FNBP1L: variants seen among roughly 807,000 people sequenced by gnomAD.
FNBP1L encodes the protein formin binding protein 1 like.
A neutral mutation model predicts 91.2 loss-of-function variants in FNBP1L; 36 were observed. The observed-to-expected ratio is 0.39, with a 90% CI of 0.30 to 0.52. FNBP1L has a LOEUF of 0.52. Among genes scored for constraint, FNBP1L ranks in the 20% least tolerant of loss-of-function variants. The pLI, the probability that FNBP1L is intolerant of heterozygous loss-of-function variation, is 0.66. For missense variants in FNBP1L, 571 were observed against 732.1 expected (o/e 0.78, Z 2.54); for synonymous variants, 242 against 237.0 (o/e 1.02, Z -0.19).
intron 5 of FNBP1L, among the ~76,000 whole-genome samples, chr1:93,524,997 A>G (rs1671450265): frequency 6.6e-6 from 1 of 152,036 alleles, no homozygotes; most frequent in African/African-American, 2.4e-5. Context: ...TTGTAAAACA[A>G]GATGTTCACG....
rs536514860 is a variant in FNBP1L, at chr1:93,475,825, AG to A, written c.25-23641del. On this transcript the variant is annotated intron_variant, in intron 1 of 16. Coordinates refer to ENST00000271234, the MANE Select transcript of FNBP1L (RefSeq NM_001164473.3). ...TATTTGAATTATTCTGTTTACTAAA[AG>A]GAAACATAAAGTAAGGTTGCCTGTT... Among the ~76,000 whole-genome samples the A allele has an allele frequency of 5.3e-5, 8 of 152,362 alleles. No individual in the cohort carries two copies. The South Asian group carries it at 1.7e-3, about 32-fold the overall frequency.
intron 10 of FNBP1L, among the ~76,000 whole-genome samples, chr1:93,538,059 G>A (rs1295087050): frequency 6.6e-6 from 1 of 151,882 alleles, no homozygotes; most frequent in Non-Finnish European, 1.5e-5. Flanking sequence ...TAGTAGTCAC[G>A]TTTTTGTAAT....
intron 1 of FNBP1L, among the ~76,000 whole-genome samples, chr1:93,485,756 G>A (rs1484061634): frequency 6.6e-6 from 1 of 152,094 alleles, no homozygotes; most frequent in Non-Finnish European, 1.5e-5. Context: ...GAGTGCAGTG[G>A]TGTGGTCTCA....
chr1:93,536,331 G>C lies in FNBP1L; in HGVS notation c.991-1G>C. 6.9e-7 allele frequency: 1 copy of C among 1,459,494 alleles called. No individual in the cohort carries two copies. The highest frequency in any genetic ancestry group is 9.1e-7 in the Non-Finnish European group (1 of 1,104,346). 90.4% of individuals were successfully genotyped at this position (1,459,494 alleles called of 1,614,324 possible). On this transcript the variant is annotated splice_acceptor_variant, in intron 9 of 16. Transcript: ENST00000271234. LOFTEE classifies it high-confidence loss of function. ...GATTCCTTTCTTTATTTCCATATTA[G>C]CCACAGTCCCCACCCTTAACCCCTA...
At chr1:93,507,525 G>T (rs1440797435) in intron 2 of FNBP1L, among the ~76,000 whole-genome samples, 1 of 152,152 alleles carries the variant, frequency 6.6e-6, no homozygotes, top group African/African-American at 2.4e-5. Flanking sequence ...GGATTTGCGG[G>T]ACTTACTTAA....
chr1:93,546,731 T>A, intron 12 of FNBP1L, 111 bp from the exon 13 acceptor site: 2 of 1,132,200 alleles, frequency 1.8e-6, no homozygotes. Context: ...TAAAAAGATG[T>A]GACTCTACTT....
At chr1:93,474,307 T>G (rs1201772757) in intron 1 of FNBP1L, among the ~76,000 whole-genome samples, 1 of 152,130 alleles carries the variant, frequency 6.6e-6, no homozygotes, top group African/African-American at 2.4e-5. Context: ...TCCAATCGAC[T>G]GAACCAAAGG....
chr1:93,547,461 T>A lies in FNBP1L; in HGVS notation c.1502+20T>A. The A allele has an allele frequency of 6.5e-7, 1 of 1,535,248 alleles. No individual in the cohort carries two copies. Among genetic ancestry groups the A allele is most frequent in the Non-Finnish European group, 8.8e-7 (1 of 1,133,302 alleles). ...AGAAAGGTGATTTTTTGTATTTTAT[T>A]TGTATTTCTTCTCCCCAGAGTTTTC... On this transcript the variant is annotated intron_variant, in intron 14 of 16. Coordinates refer to ENST00000271234, the MANE Select transcript of FNBP1L (RefSeq NM_001164473.3).
At chr1:93,522,345 G>A (rs2818968) in intron 3 of FNBP1L, among the ~76,000 whole-genome samples, 146,782 of 152,180 alleles carry the variant, frequency 0.96, 70,988 homozygotes, top group Non-Finnish European at 1. Context: ...AGAATAGTCA[G>A]ATACAGATTT....
intron 11 of FNBP1L, among the ~76,000 whole-genome samples, chr1:93,542,189 T>A (rs1672069477): frequency 6.6e-6 from 1 of 152,056 alleles, no homozygotes; most frequent in Non-Finnish European, 1.5e-5. Context: ...GGCGGGAGGA[T>A]TGGTTGAGCC....
intron 1 of FNBP1L, among the ~76,000 whole-genome samples, chr1:93,487,535 A>G (rs1009876070): frequency 3.3e-5 from 5 of 152,166 alleles, no homozygotes; most frequent in African/African-American, 1.2e-4. Flanking sequence ...TCACTAACCA[A>G]CCACATGACA....
At chr1:93,454,172 A>G (rs1668582137) in intron 1 of FNBP1L, among the ~76,000 whole-genome samples, 1 of 152,064 alleles carries the variant, frequency 6.6e-6, no homozygotes, top group African/African-American at 2.4e-5. Flanking sequence ...GTCTTTAATA[A>G]ATGTTTGTTG....
chr1:93,509,593 A>G (rs1332520180), intron 2 of FNBP1L, among the ~76,000 whole-genome samples: 1 of 152,234 alleles, frequency 6.6e-6, no homozygotes, highest in African/African-American at 2.4e-5. Context: ...TATAAAATGT[A>G]GTCAATCGGA....
At chr1:93,515,562 A>G (rs1227238277) in intron 2 of FNBP1L, among the ~76,000 whole-genome samples, 1 of 152,206 alleles carries the variant, frequency 6.6e-6, no homozygotes, top group African/African-American at 2.4e-5. Flanking sequence ...TGGCACATAT[A>G]CACCATGGAA....
intron 1 of FNBP1L, among the ~76,000 whole-genome samples, chr1:93,483,179 G>A (rs1322152306): frequency 8.1e-6 from 1 of 123,852 alleles, no homozygotes; most frequent in Non-Finnish European, 1.7e-5. Flanking sequence ...AACAGAGTGA[G>A]ACCCTGTCTC....
At chr1:93,469,964 TAAAAG>T (rs1164511939) in intron 1 of FNBP1L, among the ~76,000 whole-genome samples, 7 of 151,974 alleles carry the variant, frequency 4.6e-5, no homozygotes, top group Non-Finnish European at 1.0e-4. Context: ...CTCTGACTCT[TAAAAG>T]AAAAAAAGAA....
chr1:93,506,886 A>T (rs1010971468), intron 2 of FNBP1L, among the ~76,000 whole-genome samples: 2 of 152,164 alleles, frequency 1.3e-5, no homozygotes, highest in African/African-American at 4.8e-5. Flanking sequence ...TTAAATATAT[A>T]TTAAAAAGGG....
intron 11 of FNBP1L, chr1:93,543,876 G>T: frequency 3.7e-6 from 1 of 269,704 alleles, no homozygotes; most frequent in South Asian, 1.0e-4. Context: ...CTGTTTCATG[G>T]TTTTATAAAA....
chr1:93,545,102 G>A (rs1172516874), intron 12 of FNBP1L, among the ~76,000 whole-genome samples: 1 of 151,936 alleles, frequency 6.6e-6, no homozygotes, highest in Non-Finnish European at 1.5e-5. Context: ...TTTTCTAATA[G>A]CACTGTAACT....
Sources: allele counts gnomAD v4.1 joint callset (sites outside exome capture counted in the v4.1 genomes callset), GRCh38; gene constraint gnomAD v4.1.1; transcripts MANE v1.5; gene names NCBI Gene and HGNC (gene_info 2026-07-23, HGNC 2026-07-21).